Variants in SLC23A2 observed in about 807,000 individuals in gnomAD.
SLC23A2 encodes Na(+)/L-ascorbic acid transporter 2.
A neutral mutation model predicts 73.3 loss-of-function variants in SLC23A2; 36 were observed. The observed-to-expected ratio is 0.49, with a 90% CI of 0.38 to 0.65. The LOEUF is 0.65. Ranked by LOEUF, SLC23A2 falls within the 30% of genes least tolerant of loss-of-function variation. The pLI is 0.00. For missense variants in SLC23A2, 507 were observed against 841.6 expected, an observed-to-expected ratio of 0.60 and a Z score of 4.92; for synonymous variants, 343 against 327.3, an observed-to-expected ratio of 1.05 and a Z score of -0.52.
At chr20:4,904,805 G>C (rs1931876951) in intron 4 of SLC23A2, among the ~76,000 whole-genome samples, 1 of 152,180 alleles carries the variant, frequency 6.6e-6, no homozygotes, top group Admixed American at 6.5e-5. Context: ...AAAACCACTA[G>C]TGTTAATTAT....
chr20:4,892,053 T>A (rs1931351941), intron 6 of SLC23A2, among the ~76,000 whole-genome samples: 1 of 150,662 alleles, frequency 6.6e-6, no homozygotes, highest in South Asian at 2.1e-4. Context: ...GGTGTCCTGC[T>A]CACTAACAGT....
Position 4,912,861 on chromosome 20 carries a change from G to A in SLC23A2, c.207+19C>T, listed in dbSNP as rs368086651. 5.5e-5 allele frequency: 83 copies of A among 1,515,014 alleles called. 1 individual carries two copies. Among genetic ancestry groups the A allele is most frequent in the South Asian group, 3.5e-4 (31 of 89,096 alleles). The allele number at this position is 1,515,014 out of a possible 1,614,324, so 93.8% of individuals were successfully genotyped here. On this transcript the variant is annotated intron_variant, in intron 4 of 16. Coordinates refer to ENST00000338244, the MANE Select transcript of SLC23A2 (RefSeq NM_005116.6). ...GGGATGGCGGTGGGAGTGGGGACAC[G>A]GGGTGACGGAAGGGGTACCTTTTCT... is the stretch of plus-strand genomic sequence containing the variant.
chr20:4,955,356 A>AAC (rs71197734), intron 2 of SLC23A2, among the ~76,000 whole-genome samples: 6,785 of 144,730 alleles, frequency 0.047, 175 homozygotes, highest in Non-Finnish European at 0.058. Context: ...AATGAGTTAA[A>AAC]ACACACACAC....
chr20:4,992,413 AT>A (rs544187150), intron 1 of SLC23A2, among the ~76,000 whole-genome samples: 1,941 of 151,444 alleles, frequency 0.013, 47 homozygotes, highest in African/African-American at 0.043. Flanking sequence ...ATTATAGCCA[AT>A]TTTTTTTTAA....
chr20:4,955,930 T>A (rs1178504901), intron 2 of SLC23A2, among the ~76,000 whole-genome samples: 1 of 152,180 alleles, frequency 6.6e-6, no homozygotes, highest in Admixed American at 6.5e-5. Context: ...TTTGTGTTTA[T>A]CTGCATTCTT....
At position 4,972,141 on chromosome 20, in the gene SLC23A2, G is replaced by A. The variant is rs151148404; in HGVS notation, c.-281-1222C>T. Among the ~76,000 whole-genome samples, 471 of 152,292 alleles carry A rather than the reference G, an allele frequency of 3.1e-3. 2 individuals carry two copies. The highest frequency in any genetic ancestry group is 0.011 in the African/African-American group (463 of 41,564). Reference sequence around the variant, plus strand: ...GAACAGCCATCCCAGCCCCAGCCATGAGCCTGGCCCTCCCTTGTGAAGAAA... The same window carrying A: ...GAACAGCCATCCCAGCCCCAGCCATAAGCCTGGCCCTCCCTTGTGAAGAAA... On this transcript the variant is annotated intron_variant, in intron 1 of 16. Coordinates refer to ENST00000338244, the MANE Select transcript of SLC23A2 (RefSeq NM_005116.6).
In SLC23A2 at chr20:4,883,122, C is replaced by T. The variant is rs141482255; in HGVS notation, c.824+520G>A. On this transcript the variant is annotated intron_variant, in intron 9 of 16. Coordinates refer to ENST00000338244, the MANE Select transcript of SLC23A2 (RefSeq NM_005116.6). The surrounding 1 kb of genome is among the most constrained non-coding windows in gnomAD (Gnocchi z 4.5). ...GTACAAAAGGACAGGCACTGACTAG[C>T]AGGACCCTGGCAGAAACTATGTCCC... 1.2e-3 allele frequency among the ~76,000 whole-genome samples: 186 copies of T among 152,332 alleles called. No individual in the cohort carries two copies. The highest frequency in any genetic ancestry group is 4.2e-3 in the African/African-American group (174 of 41,566).
chr20:4,981,655 T>C (rs1374230755), intron 1 of SLC23A2, among the ~76,000 whole-genome samples: 6 of 151,988 alleles, frequency 3.9e-5, no homozygotes, highest in Non-Finnish European at 7.4e-5. Context: ...GTGGTTGGGG[T>C]TGGCAATTCC....
At chr20:4,965,280 A>G (rs562868426) in intron 2 of SLC23A2, among the ~76,000 whole-genome samples, 2 of 152,278 alleles carry the variant, frequency 1.3e-5, no homozygotes, top group South Asian at 4.1e-4. Flanking sequence ...TCAAAAGGTA[A>G]GCGCTCTTCA....
At chr20:4,958,437 G>C (rs2122171004) in intron 2 of SLC23A2, among the ~76,000 whole-genome samples, 1 of 152,202 alleles carries the variant, frequency 6.6e-6, no homozygotes, top group East Asian at 1.9e-4. Context: ...TCACTATAAA[G>C]TTTTAACATA....
At chr20:4,864,025 G>A (rs1027744739) in intron 13 of SLC23A2, among the ~76,000 whole-genome samples, 5 of 152,042 alleles carry the variant, frequency 3.3e-5, no homozygotes, top group Admixed American at 2.6e-4. Context: ...CTGGGTTCCC[G>A]GCACCACACG....
intron 2 of SLC23A2, among the ~76,000 whole-genome samples, chr20:4,967,680 G>A (rs747914960): frequency 5.9e-5 from 9 of 152,194 alleles, no homozygotes; most frequent in Admixed American, 3.3e-4. Flanking sequence ...AGGATTTCCC[G>A]ATACATAGGC....
chr20:4,972,652 T>A (rs2087581743), intron 1 of SLC23A2, among the ~76,000 whole-genome samples: 1 of 151,896 alleles, frequency 6.6e-6, no homozygotes, highest in South Asian at 2.1e-4. Context: ...CGTGGCGCAA[T>A]CTTGGCTCAC....
intron 9 of SLC23A2, among the ~76,000 whole-genome samples, chr20:4,878,049 T>A (rs1317337811): frequency 6.6e-6 from 1 of 152,210 alleles, no homozygotes; most frequent in African/African-American, 2.4e-5. Context: ...CTAGGTGTAG[T>A]CCCTTTTTTG....
intron 2 of SLC23A2, among the ~76,000 whole-genome samples, chr20:4,968,207 G>C (rs2087505099): frequency 6.6e-6 from 1 of 152,186 alleles, no homozygotes; most frequent in African/African-American, 2.4e-5. Flanking sequence ...GAAGTTGTCA[G>C]GAATGACTTT....
intron 16 of SLC23A2, among the ~76,000 whole-genome samples, chr20:4,858,111 C>T (rs570333918): frequency 6.6e-6 from 1 of 152,208 alleles, no homozygotes; most frequent in Non-Finnish European, 1.5e-5. Flanking sequence ...TTCACCCCCC[C>T]ATCTAGACAG....
At chr20:4,877,879 C>T (rs569091549) in intron 9 of SLC23A2, among the ~76,000 whole-genome samples, 4 of 152,350 alleles carry the variant, frequency 2.6e-5, no homozygotes, top group East Asian at 1.9e-4. Context: ...AGTCACTGAC[C>T]GGCCGCACTA....
chr20:4,977,376 A>G (rs1568652370), intron 1 of SLC23A2, among the ~76,000 whole-genome samples: 2 of 151,916 alleles, frequency 1.3e-5, no homozygotes, highest in Non-Finnish European at 2.9e-5. Flanking sequence ...ACGTATTATT[A>G]TTATTTTTTT....
chr20:4,929,264 TAA>T (rs368253095), intron 3 of SLC23A2, among the ~76,000 whole-genome samples: 1 of 119,108 alleles, frequency 8.4e-6, no homozygotes. Flanking sequence ...AGACCCTGTG[TAA>T]AAAAAAAAAG....
Sources: allele counts gnomAD v4.1 joint callset (sites outside exome capture counted in the v4.1 genomes callset), GRCh38; gene constraint gnomAD v4.1.1; non-coding constraint Gnocchi (gnomAD v3.1); transcripts MANE v1.5; gene names NCBI Gene and HGNC (gene_info 2026-07-23, HGNC 2026-07-21).